The following DCAF1 variants were observed in gnomAD, a reference collection of about 807,000 sequenced individuals.
DCAF1 encodes DDB1- and CUL4-associated factor 1.
Under a neutral mutation model 128.0 loss-of-function variants are expected in DCAF1, and 15 were observed. The ratio of observed to expected loss-of-function variants is 0.12; its 90% CI spans 0.08 to 0.18. DCAF1 has a LOEUF of 0.18. Among genes scored for constraint, DCAF1 ranks in the 10% least tolerant of loss-of-function variants. The pLI is 1.00. For synonymous variants in DCAF1, 610 were observed against 603.0 expected, an observed-to-expected ratio of 1.01 and a Z score of -0.17; for missense variants, 988 against 1,649.5, an observed-to-expected ratio of 0.60 and a Z score of 6.95.
At chr3:51,419,412 T>C (rs1273528692) in intron 15 of DCAF1, among the ~76,000 whole-genome samples, 1 of 151,778 alleles carries the variant, frequency 6.6e-6, no homozygotes, top group Non-Finnish European at 1.5e-5. Flanking sequence ...AACCTTTATG[T>C]AAGATTTGTC....
At chr3:51,436,796 G>A (rs781675441) in intron 9 of DCAF1, among the ~76,000 whole-genome samples, 2 of 152,128 alleles carry the variant, frequency 1.3e-5, no homozygotes, top group Admixed American at 6.5e-5. Flanking sequence ...CTCACTTGTG[G>A]GGAAAGAACG....
intron 6 of DCAF1, among the ~76,000 whole-genome samples, chr3:51,449,850 G>A (rs888211668): frequency 1.3e-5 from 2 of 152,118 alleles, no homozygotes; most frequent in African/African-American, 4.8e-5. Context: ...AGATTTATAA[G>A]AGAATACCAT....
chr3:51,480,598 C>CT (rs1553652464), intron 3 of DCAF1, among the ~76,000 whole-genome samples: 1 of 92,528 alleles, frequency 1.1e-5, no homozygotes, highest in African/African-American at 4.6e-5. Flanking sequence ...GAGTCTGCCT[C>CT]AAAAAAAAAA....
At chr3:51,419,066 A>C (rs1699156376) in intron 15 of DCAF1, among the ~76,000 whole-genome samples, 190 bp from the exon 16 acceptor site, 1 of 152,188 alleles carries the variant, frequency 6.6e-6, no homozygotes, top group African/African-American at 2.4e-5. Flanking sequence ...AATAACAAAA[A>C]TTCCCATGTT....
intron 2 of DCAF1, among the ~76,000 whole-genome samples, 153 bp from the exon 3 acceptor site, chr3:51,483,989 A>T (rs1553654175): frequency 6.6e-6 from 1 of 152,204 alleles, no homozygotes; most frequent in African/African-American, 2.4e-5. Flanking sequence ...TTTGTGGTAC[A>T]GCAGAAAACT....
At chr3:51,471,581 T>C (rs1349653609) in intron 3 of DCAF1, among the ~76,000 whole-genome samples, 2 of 152,064 alleles carry the variant, frequency 1.3e-5, no homozygotes, top group Non-Finnish European at 2.9e-5. Context: ...AAATCTTCCT[T>C]TTCTTGCTGG....
chr3:51,454,566 T>C (rs1702689499), intron 6 of DCAF1, among the ~76,000 whole-genome samples: 2 of 152,016 alleles, frequency 1.3e-5, no homozygotes, highest in Non-Finnish European at 2.9e-5. Context: ...TTTTGCCATG[T>C]TGGCCAGACT....
chr3:51,454,835 G>A (rs1275333762), intron 6 of DCAF1, among the ~76,000 whole-genome samples: 72 of 151,958 alleles, frequency 4.7e-4, no homozygotes, highest in East Asian at 1.9e-4. Context: ...CACCACACCC[G>A]GCTAATTTTT....
intron 8 of DCAF1, 116 bp from the exon 9 acceptor site, chr3:51,441,187 T>A: frequency 8.4e-7 from 1 of 1,188,820 alleles, no homozygotes; most frequent in Middle Eastern, 2.0e-4. Flanking sequence ...TCCCTCCCTG[T>A]GAAGATAAAC....
intron 2 of DCAF1, among the ~76,000 whole-genome samples, chr3:51,486,385 G>A (rs1393670574): frequency 6.6e-6 from 1 of 151,194 alleles, no homozygotes; most frequent in East Asian, 1.9e-4. Context: ...TTGTTCAGGT[G>A]GGGTCTCACT....
At chr3:51,488,123 C>T (rs553385282) in intron 2 of DCAF1, among the ~76,000 whole-genome samples, 9 of 152,022 alleles carry the variant, frequency 5.9e-5, no homozygotes, top group Admixed American at 2.6e-4. Flanking sequence ...CCTCGGCATC[C>T]CAAAATGCTG....
At chr3:51,436,980 GAGAC>G (rs1700888419) in intron 9 of DCAF1, among the ~76,000 whole-genome samples, 1 of 152,132 alleles carries the variant, frequency 6.6e-6, no homozygotes, top group African/African-American at 2.4e-5. Context: ...AAAAAAGAGA[GAGAC>G]AGGTGCAGCG....
chr3:51,451,788 C>T (rs1454357733), intron 6 of DCAF1, among the ~76,000 whole-genome samples: 3 of 151,142 alleles, frequency 2.0e-5, no homozygotes, highest in East Asian at 1.9e-4. Context: ...GATTGTAAAG[C>T]TTTTTTTCAA....
chr3:51,463,328 G>T, intron 5 of DCAF1, 101 bp from the exon 6 acceptor site: 3 of 581,820 alleles, frequency 5.2e-6, no homozygotes, highest in South Asian at 3.9e-5. Flanking sequence ...TTTCTTAACG[G>T]GTATGAAAGA....
chr3:51,463,403 C>G (rs1320358110), intron 5 of DCAF1, among the ~76,000 whole-genome samples, 176 bp from the exon 6 acceptor site: 2 of 152,160 alleles, frequency 1.3e-5, no homozygotes, highest in Non-Finnish European at 1.5e-5. Context: ...CACTTATGAT[C>G]TTGCTGAGCC....
intron 6 of DCAF1, among the ~76,000 whole-genome samples, chr3:51,462,104 C>A (rs1292769576): frequency 6.6e-6 from 1 of 151,100 alleles, no homozygotes; most frequent in Non-Finnish European, 1.5e-5. Flanking sequence ...AAAAACCACA[C>A]AACATATAAT....
At chr3:51,437,540 GCA>G (rs1700964292) in intron 9 of DCAF1, 1 of 342,024 alleles carries the variant, frequency 2.9e-6, no homozygotes. Flanking sequence ...AGGGGGCTGG[GCA>G]CAGTTGCTCA....
intron 10 of DCAF1, among the ~76,000 whole-genome samples, chr3:51,431,018 A>G (rs1197241808): frequency 6.6e-6 from 1 of 152,092 alleles, no homozygotes; most frequent in Non-Finnish European, 1.5e-5. Flanking sequence ...TGCCTCTACA[A>G]AACACGCAAA....
rs547986897 is a variant in DCAF1, at chr3:51,467,433, G to A, written c.188-557C>T. ...AACCAAACACCTGTTCTCACTCATA[G>A]GTGGGAACTGAACAATGAGAACACT... On this transcript the variant is annotated intron_variant, in intron 4 of 24. Transcript: ENST00000684031. Among the ~76,000 whole-genome samples, 3 of 152,246 alleles carry A rather than the reference G, an allele frequency of 2.0e-5. No homozygotes were observed. In the South Asian group the frequency reaches 6.2e-4, roughly 32 times the overall value.
Sources: allele counts gnomAD v4.1 joint callset (sites outside exome capture counted in the v4.1 genomes callset), GRCh38; gene constraint gnomAD v4.1.1; transcripts MANE v1.5; gene names NCBI Gene and HGNC (gene_info 2026-07-23, HGNC 2026-07-21).